Variants in SYT16 observed in about 807,000 individuals in gnomAD.
SYT16 encodes synaptotagmin 16, also known as synaptotagmin-16.
SYT16 carries 42 observed loss-of-function variants against 61.4 expected under a neutral mutation model. That is an observed-to-expected ratio of 0.68 (90% confidence interval 0.53 to 0.89). SYT16 has a LOEUF of 0.89. Among genes scored for constraint, SYT16 ranks in the 40% least tolerant of loss-of-function variants. The probability of loss-of-function intolerance (pLI) is 0.00; values close to 1 mark genes in which losing one functional copy is unlikely to be tolerated. For missense variants in SYT16, 804 were observed against 807.3 expected, an observed-to-expected ratio of 1.00 and a Z score of 0.05; for synonymous variants, 314 against 302.3, an observed-to-expected ratio of 1.04 and a Z score of -0.40.
chr14:62,069,669 A>C lies in SYT16; in HGVS notation c.590A>C (p.Gln197Pro), dbSNP rs1210402637. 1 of 1,614,012 alleles carries C rather than the reference A, an allele frequency of 6.2e-7. No individual in the cohort carries two copies. Among genetic ancestry groups the C allele is most frequent in the African/African-American group, 1.3e-5 (1 of 75,052 alleles). The change falls in exon 4 of 8, where the codon CAA becomes CCA. Residue 197 changes from glutamine to proline, a missense_variant. Transcript: ENST00000683842. ...GACAGTGACGAGGAGGTGATCAAACAATTTGAGATTTCCGTGTCCCGGTCC... is the reference window on the plus strand; with the variant it reads ...GACAGTGACGAGGAGGTGATCAAACCATTTGAGATTTCCGTGTCCCGGTCC... ...SSDSDEEVIK[Q>P]FEISVSRSQS...
At chr14:62,050,946 C>G (rs551693978) in intron 3 of SYT16, among the ~76,000 whole-genome samples, 1 of 152,182 alleles carries the variant, frequency 6.6e-6, no homozygotes, top group Non-Finnish European at 1.5e-5. Flanking sequence ...GCAGTCTGTC[C>G]GTTCTCAGAT....
At chr14:62,011,942 T>TATATATATATATATATA (rs1555370094) in intron 3 of SYT16, among the ~76,000 whole-genome samples, 7 of 144,584 alleles carry the variant, frequency 4.8e-5, no homozygotes, top group African/African-American at 2.0e-4. Context: ...TATATATATA[T>TATATATATATATATATA]TTGATGCTGT....
chr14:61,998,345 TAGTC>T (rs1398360992), intron 3 of SYT16, among the ~76,000 whole-genome samples: 1 of 152,014 alleles, frequency 6.6e-6, no homozygotes, highest in Non-Finnish European at 1.5e-5. Context: ...CATTCCTTTT[TAGTC>T]AGTCCTTTCC....
chr14:61,880,272 A>G (rs1329078599), intron 1 of SYT16, among the ~76,000 whole-genome samples: 2 of 152,222 alleles, frequency 1.3e-5, no homozygotes, highest in African/African-American at 4.8e-5. Context: ...TTAATCATGT[A>G]ATAAACTTCC....
intron 1 of SYT16, among the ~76,000 whole-genome samples, chr14:61,842,165 T>C (rs983692848): frequency 6.6e-5 from 10 of 152,228 alleles, no homozygotes; most frequent in African/African-American, 2.4e-4. Flanking sequence ...CAAACATTAA[T>C]CCTTTGTGTT....
Position 62,084,379 on chromosome 14 carries a change from G to A in SYT16, c.1618G>A (p.Ala540Thr). ...TTTCCGAAACCTCGCTGTTAACCGA[G>A]CACCTGGTAAGTGTGAGTCTGTTCT... ...SHFRNLAVNR[A>T]PDTYGKLFLL... Residue 540 changes from alanine (A) to threonine (T), a missense_variant, in exon 7 of 8, where the codon GCA becomes ACA. Physicochemically the swap from Ala to Thr is moderately conservative, Grantham distance 58 (BLOSUM62 0). Transcript: ENST00000683842. The A allele has an allele frequency of 1.9e-6, 3 of 1,611,642 alleles. No homozygotes were observed. Among genetic ancestry groups the A allele is most frequent in the Non-Finnish European group, 2.5e-6 (3 of 1,179,548 alleles).
At chr14:61,993,913 A>C (rs1459498324) in intron 2 of SYT16, among the ~76,000 whole-genome samples, 3 of 152,146 alleles carry the variant, frequency 2.0e-5, no homozygotes, top group African/African-American at 7.2e-5. Flanking sequence ...AATGGGGATA[A>C]AATAGAGAAC....
intron 3 of SYT16, among the ~76,000 whole-genome samples, chr14:62,061,859 A>G (rs2055841394): frequency 6.6e-6 from 1 of 152,190 alleles, no homozygotes; most frequent in African/African-American, 2.4e-5. Flanking sequence ...AAGTATATAT[A>G]TAATCTGTGT....
At position 62,108,061 on chromosome 14, in the gene SYT16, C is replaced by T. The variant is rs1480143242; in HGVS notation, c.*7354C>T. The T allele has an allele frequency of 6.6e-6, 1 of 152,170 alleles. No individual in the cohort carries two copies. The highest frequency in any genetic ancestry group is 2.4e-5 in the African/African-American group (1 of 41,436). The allele number at this position is 152,170 out of a possible 1,614,324, so 9.4% of individuals were successfully genotyped here. On this transcript the variant is annotated 3_prime_UTR_variant, in exon 8 of 8. Coordinates refer to ENST00000683842, the MANE Select transcript of SYT16 (RefSeq NM_001367656.1). ...CAATCTAAACAAAGAGCCCTGCTTACCTTTCTGTGACTAAAACTAGTCTTA... is the reference window on the plus strand; with the variant it reads ...CAATCTAAACAAAGAGCCCTGCTTATCTTTCTGTGACTAAAACTAGTCTTA...
At chr14:61,862,718 A>T (rs1308991722) in intron 1 of SYT16, among the ~76,000 whole-genome samples, 4 of 152,220 alleles carry the variant, frequency 2.6e-5, no homozygotes, top group African/African-American at 9.6e-5. Context: ...TATTCATTAT[A>T]GTATCATACA....
rs566505235 is a variant in SYT16 at position 61,841,948 on chromosome 14, A to G, written c.-325+29138A>G. 7.9e-5 allele frequency among the ~76,000 whole-genome samples: 12 copies of G among 152,260 alleles called. 1 individual carries two copies. In the South Asian group the frequency reaches 2.5e-3, roughly 32 times the overall value. ...GGACATTTAGGTTGGTTCCATGACTATGCTATTGTAAATAGTGCTGCAATA... is the reference window on the plus strand; with the variant it reads ...GGACATTTAGGTTGGTTCCATGACTGTGCTATTGTAAATAGTGCTGCAATA... On this transcript the variant is annotated intron_variant, in intron 1 of 7. Transcript: ENST00000683842.
At chr14:61,921,229 A>G (rs1039630642) in intron 1 of SYT16, among the ~76,000 whole-genome samples, 2 of 152,218 alleles carry the variant, frequency 1.3e-5, no homozygotes, top group African/African-American at 4.8e-5. Context: ...GTTTTGCTTA[A>G]TTATTGTCAT....
At chr14:61,893,831 G>T (rs2048222742) in intron 1 of SYT16, among the ~76,000 whole-genome samples, 2 of 152,200 alleles carry the variant, frequency 1.3e-5, no homozygotes, top group Non-Finnish European at 2.9e-5. Flanking sequence ...CTGGAGGTAG[G>T]TCCCATGTCC....
At chr14:61,879,720 T>C (rs1341455756) in intron 1 of SYT16, among the ~76,000 whole-genome samples, 1 of 152,208 alleles carries the variant, frequency 6.6e-6, no homozygotes, top group East Asian at 1.9e-4. Context: ...TTTCCTTTTT[T>C]ACTAGTTTAG....
At chr14:61,998,440 TAC>T (rs763665178) in intron 3 of SYT16, among the ~76,000 whole-genome samples, 6 of 151,992 alleles carry the variant, frequency 3.9e-5, no homozygotes, top group African/African-American at 1.2e-4. Flanking sequence ...TAAATGGATG[TAC>T]ACAGTTTGTC....
intron 1 of SYT16, among the ~76,000 whole-genome samples, chr14:61,937,296 T>C (rs1469728922): frequency 4.6e-5 from 7 of 152,244 alleles, no homozygotes; most frequent in African/African-American, 1.7e-4. Context: ...ATGTTTTCTC[T>C]CCTTGTTTAA....
At chr14:62,008,323 G>T (rs1471714757) in intron 3 of SYT16, among the ~76,000 whole-genome samples, 2 of 151,954 alleles carry the variant, frequency 1.3e-5, no homozygotes, top group Non-Finnish European at 2.9e-5. Flanking sequence ...TGTTAATTAT[G>T]CTAAGGGCTG....
chr14:61,985,454 TA>T (rs2052264697), intron 2 of SYT16, among the ~76,000 whole-genome samples: 1 of 152,192 alleles, frequency 6.6e-6, no homozygotes, highest in South Asian at 2.1e-4. Context: ...TGCCTATCAA[TA>T]AAACTTTCAT....
chr14:61,813,004 G>C (rs1171613450), intron 1 of SYT16, among the ~76,000 whole-genome samples, 194 bp downstream of exon 1: 3 of 152,234 alleles, frequency 2.0e-5, no homozygotes, highest in African/African-American at 7.2e-5. Flanking sequence ...CGCGAGGGAT[G>C]TGGCAGAAGG....
Sources: gnomAD v4.1 joint callset for allele counts (sites outside exome capture counted in the v4.1 genomes callset) on GRCh38, gnomAD v4.1.1 for gene constraint, MANE v1.5 for transcripts, NCBI Gene and HGNC (gene_info 2026-07-23, HGNC 2026-07-21) for gene names.